Variants in C3orf62 observed in about 807,000 individuals in gnomAD.
The protein encoded by C3orf62 is uncharacterized protein C3orf62.
C3orf62 carries 16 observed loss-of-function variants against 21.7 expected under a neutral mutation model. That is an observed-to-expected ratio of 0.74 (90% CI 0.50 to 1.12). The LOEUF (loss-of-function observed/expected upper bound fraction) is 1.12. Among genes scored for constraint, C3orf62 ranks in the 50% most tolerant of loss-of-function variants. C3orf62 has a pLI of 0.00. For synonymous variants in C3orf62, 114 were observed against 117.0 expected (o/e 0.97, Z 0.17); for missense variants, 310 against 318.8 (o/e 0.97, Z 0.21).
chr3:49,277,033 C>A lies in C3orf62; in HGVS notation c.-161G>T. Reference sequence around the variant, plus strand: ...TTCTCGGCTCTCGCGGAGGAACCCGCCATCTGCCAGAAGCCCCAAAGACGC... The same window carrying A: ...TTCTCGGCTCTCGCGGAGGAACCCGACATCTGCCAGAAGCCCCAAAGACGC... On this transcript the variant is annotated 5_prime_UTR_variant, in exon 1 of 3. Coordinates refer to ENST00000343010, the MANE Select transcript of C3orf62 (RefSeq NM_198562.3). The A allele has an allele frequency of 6.8e-7, 1 of 1,463,192 alleles. No individual in the cohort carries two copies. Among genetic ancestry groups the A allele is most frequent in the Admixed American group, 2.4e-5 (1 of 40,930 alleles). The allele number at this position is 1,463,192 out of a possible 1,614,324, so 90.6% of individuals were successfully genotyped here.
intron 2 of C3orf62, among the ~76,000 whole-genome samples, chr3:49,272,190 G>A (rs1428527399): frequency 6.6e-6 from 1 of 152,010 alleles, no homozygotes; most frequent in Non-Finnish European, 1.5e-5. Flanking sequence ...CCTTTACTAG[G>A]AGCTGTAGTA....
rs1424845600 is a variant in C3orf62 at position 49,271,928 on chromosome 3, A to AC, written c.539-484_539-483insG. On this transcript the variant is annotated intron_variant, in intron 2 of 2. Coordinates refer to ENST00000343010, the MANE Select transcript of C3orf62 (RefSeq NM_198562.3). ...CCTGTCTCAAAAAAAAAAAAAACAA[A>AC]AAAAAAAAACAAAAAAACCTCCCTG... 4.6e-5 allele frequency among the ~76,000 whole-genome samples: 7 copies of AC among 151,452 alleles called. No individual in the cohort carries two copies. In the South Asian group the frequency reaches 1.3e-3, roughly 27 times the overall value.
At position 49,276,983 on chromosome 3, in the gene C3orf62, C is replaced by T. The variant is rs2046967999; in HGVS notation, c.-111G>A. ...TGGCTATAGCAGGACCCACAACCCT[C>T]GGGCTTTCCTCCTGGAGTAGGCGGT... On this transcript the variant is annotated 5_prime_UTR_variant, in exon 1 of 3. Coordinates refer to ENST00000343010, the MANE Select transcript of C3orf62 (RefSeq NM_198562.3). The T allele has an allele frequency of 4.7e-6, 7 of 1,483,042 alleles. No individual in the cohort carries two copies. Among genetic ancestry groups the T allele is most frequent in the Middle Eastern group, 2.1e-4 (1 of 4,752 alleles). 91.9% of individuals were successfully genotyped at this position (1,483,042 alleles called of 1,614,324 possible).
rs2046909320 is a variant in C3orf62 at position 49,271,097 on chromosome 3, C to T, written c.*83G>A. 4.4e-6 allele frequency: 6 copies of T among 1,376,916 alleles called. No individual in the cohort carries two copies. The highest frequency in any genetic ancestry group is 6.0e-6 in the Non-Finnish European group (6 of 1,007,522). 85.3% of individuals were successfully genotyped at this position (1,376,916 alleles called of 1,614,324 possible). A position where few individuals can be genotyped will look rare whatever the true frequency, so the allele number is the denominator to read the frequency against. Reference sequence around the variant, plus strand: ...TCTGCCAACCTTTTGAGAAATGTGGCCCCTGACGGCCATTGTAGCTGCTTC... The same window carrying T: ...TCTGCCAACCTTTTGAGAAATGTGGTCCCTGACGGCCATTGTAGCTGCTTC... On this transcript the variant is annotated 3_prime_UTR_variant, in exon 3 of 3. Coordinates refer to ENST00000343010, the MANE Select transcript of C3orf62 (RefSeq NM_198562.3).
At chr3:49,276,283 T>C (rs994268129) in intron 1 of C3orf62, 144 bp downstream of exon 1, 1 of 725,866 alleles carries the variant, frequency 1.4e-6, no homozygotes, top group Non-Finnish European at 2.3e-6. Context: ...CTGAAGAATG[T>C]CTGTCAACTC....
chr3:49,276,841 C>T lies in C3orf62; in HGVS notation c.32G>A (p.Gly11Glu). 1 of 1,613,148 alleles carries T rather than the reference C, an allele frequency of 6.2e-7. No homozygotes were observed. The highest frequency in any genetic ancestry group is 8.5e-7 in the Non-Finnish European group (1 of 1,179,824). ...TCTTCTTAGTTTTTCAGACATTTCT[C>T]CTAAAAGCGACCATGTCTTTATGTA... MHYIKTWSLL[G>E]EMSEKLRRCR... The change falls in exon 1 of 3, where the codon GGA becomes GAA. Residue 11 changes from glycine (G) to glutamate (E), a missense_variant. Gly to Glu is a moderately conservative substitution (Grantham distance 98, BLOSUM62 -2). Transcript: ENST00000343010.
At chr3:49,271,805 G>GTGGTGTGTAACC (rs1389489431) in intron 2 of C3orf62, among the ~76,000 whole-genome samples, 1 of 151,834 alleles carries the variant, frequency 6.6e-6, no homozygotes, top group Non-Finnish European at 1.5e-5. Flanking sequence ...GCCAGGAGCG[G>GTGGTGTGTAACC]TGGTGTGTAA....
intron 2 of C3orf62, among the ~76,000 whole-genome samples, chr3:49,272,302 C>T (rs1224375898): frequency 6.6e-6 from 1 of 152,028 alleles, no homozygotes; most frequent in African/African-American, 2.4e-5. Context: ...AGTTCAAGAC[C>T]AGCCTGGGTA....
intron 1 of C3orf62, among the ~76,000 whole-genome samples, chr3:49,274,964 C>T (rs996658681): frequency 1.3e-5 from 2 of 151,554 alleles, no homozygotes; most frequent in Non-Finnish European, 2.9e-5. Flanking sequence ...GGATTACAGG[C>T]GGCCGCAACG....
In C3orf62 at chr3:49,268,830, G is replaced by C. The variant is rs972361972; in HGVS notation, c.*2350C>G. On this transcript the variant is annotated 3_prime_UTR_variant, in exon 3 of 3. Transcript: ENST00000343010. ...TGCCCAGGCTGGAGTGCAGTGATGC[G>C]ATCTTGGCTCACTGCAACCTCCACC... The C allele has an allele frequency of 6.6e-6, 1 of 151,980 alleles. No individual in the cohort carries two copies. Among genetic ancestry groups the C allele is most frequent in the Admixed American group, 6.6e-5 (1 of 15,232 alleles). 9.4% of individuals were successfully genotyped at this position (151,980 alleles called of 1,614,324 possible).
In C3orf62 at chr3:49,270,670, A is replaced by C. The variant is rs2046907424; in HGVS notation, c.*510T>G. On this transcript the variant is annotated 3_prime_UTR_variant, in exon 3 of 3. Transcript: ENST00000343010. ...CCAAAGTAGCTGGGACTACAGGTGC[A>C]CACCACCACTCCTGGCTAATTTTTG... 1 of 153,818 alleles carries C rather than the reference A, an allele frequency of 6.5e-6. No individual in the cohort carries two copies. The highest frequency in any genetic ancestry group is 2.0e-4 in the South Asian group (1 of 4,962). The allele number at this position is 153,818 out of a possible 1,614,324, so 9.5% of individuals were successfully genotyped here. A position where few individuals can be genotyped will look rare whatever the true frequency, so the allele number is the denominator to read the frequency against.
At chr3:49,271,701 A>G (rs1176279095) in intron 2 of C3orf62, among the ~76,000 whole-genome samples, 1 of 152,102 alleles carries the variant, frequency 6.6e-6, no homozygotes, top group African/African-American at 2.4e-5. Context: ...GGGTATAGAA[A>G]TGTACATGGT....
Position 49,277,186 on chromosome 3 carries a change from C to T in C3orf62, c.-314G>A. On this transcript the variant is annotated 5_prime_UTR_variant, in exon 1 of 3. Coordinates refer to ENST00000343010, the MANE Select transcript of C3orf62 (RefSeq NM_198562.3). ...TCGGCAGCCACGTCCTTGTCCTCAC[C>T]CGCAGCGCAGTGACGCCGACCCATC... is the stretch of plus-strand genomic sequence containing the variant. The T allele has an allele frequency of 7.3e-7, 1 of 1,371,180 alleles. No individual in the cohort carries two copies. The allele number at this position is 1,371,180 out of a possible 1,614,324, so 84.9% of individuals were successfully genotyped here.
At chr3:49,274,965 G>A (rs1575595407) in intron 1 of C3orf62, among the ~76,000 whole-genome samples, 1 of 151,008 alleles carries the variant, frequency 6.6e-6, no homozygotes, top group African/African-American at 2.4e-5. Flanking sequence ...GATTACAGGC[G>A]GCCGCAACGG....
chr3:49,276,758 G>C lies in C3orf62; in HGVS notation c.115C>G (p.Gln39Glu). ...AGCCTCTGCTGGCCTGTGCACTCCT[G>C]GGAATAACTAACTCCTTCAAAGGCC... is the stretch of plus-strand genomic sequence containing the variant. Reference protein sequence around the residue: ...DRAFEGVSYSQECTGQQRLEL... With the variant: ...DRAFEGVSYSEECTGQQRLEL... Residue 39 changes from glutamine to glutamate, a missense_variant, in exon 1 of 3, where the codon CAG becomes GAG. Physicochemically the swap from Gln to Glu is conservative, Grantham distance 29. Transcript: ENST00000343010. 1 of 1,614,202 alleles carries C rather than the reference G, an allele frequency of 6.2e-7. No homozygotes were observed. Among genetic ancestry groups the C allele is most frequent in the Non-Finnish European group, 8.5e-7 (1 of 1,180,042 alleles).
intron 2 of C3orf62, among the ~76,000 whole-genome samples, chr3:49,273,848 G>T (rs2046931393): frequency 1.3e-5 from 2 of 152,072 alleles, no homozygotes; most frequent in Admixed American, 1.3e-4. Context: ...TAGAGACGGG[G>T]TTTCACCATA....
chr3:49,277,073 C>A lies in C3orf62; in HGVS notation c.-201G>T. On this transcript the variant is annotated 5_prime_UTR_variant, in exon 1 of 3. Transcript: ENST00000343010. ...CCCAAAGACGCCCCGCCCCACTTCCCACAGCTTCCTGGCCCGCCCCGCCGC... is the reference window on the plus strand; with the variant it reads ...CCCAAAGACGCCCCGCCCCACTTCCAACAGCTTCCTGGCCCGCCCCGCCGC... The A allele has an allele frequency of 6.7e-7, 1 of 1,488,128 alleles. No homozygotes were observed. Among genetic ancestry groups the A allele is most frequent in the South Asian group, 1.3e-5 (1 of 79,836 alleles). The allele number at this position is 1,488,128 out of a possible 1,614,324, so 92.2% of individuals were successfully genotyped here.
chr3:49,272,534 CTTTTTT>C (rs746086446), intron 2 of C3orf62, among the ~76,000 whole-genome samples: 5 of 51,808 alleles, frequency 9.7e-5, no homozygotes, highest in African/African-American at 2.6e-4. Context: ...TTCTCCTAAT[CTTTTTT>C]TTTTTTTTTT....
At chr3:49,276,342 G>A in intron 1 of C3orf62, 85 bp downstream of exon 1, 1 of 1,369,814 alleles carries the variant, frequency 7.3e-7, no homozygotes. Flanking sequence ...GCACTGTCAT[G>A]AACTAAATCT....
Sources: gnomAD v4.1 joint callset for allele counts (sites outside exome capture counted in the v4.1 genomes callset) on GRCh38, gnomAD v4.1.1 for gene constraint, MANE v1.5 for transcripts, NCBI Gene and HGNC (gene_info 2026-07-23, HGNC 2026-07-21) for gene names.